ASIC2: variants seen among roughly 807,000 people sequenced by gnomAD.
ASIC2 encodes the protein acid-sensing ion channel 2.
ASIC2 carries 25 observed loss-of-function variants against 57.3 expected under a neutral mutation model. That is an observed-to-expected ratio of 0.44 (90% CI 0.32 to 0.61). ASIC2 has a LOEUF of 0.61. ASIC2 is among the 20% of genes least tolerant of loss of function. ASIC2 has a pLI of 0.06. For missense variants in ASIC2, 641 were observed against 738.1 expected (o/e 0.87, Z 1.52); for synonymous variants, 319 against 307.5 (o/e 1.04, Z -0.39).
chr17:33,666,390 C>T (rs1388349082), intron 1 of ASIC2, among the ~76,000 whole-genome samples: 1 of 152,178 alleles, frequency 6.6e-6, no homozygotes, highest in East Asian at 1.9e-4. Context: ...GTTGGGGTCA[C>T]AGTGCAGCGG....
At chr17:33,778,190 GAA>G (rs1911340378) in intron 1 of ASIC2, among the ~76,000 whole-genome samples, 1 of 152,126 alleles carries the variant, frequency 6.6e-6, no homozygotes, top group Admixed American at 6.6e-5. Flanking sequence ...AGGGGGAATT[GAA>G]AAGAGTTTGG....
At chr17:33,403,323 C>T (rs533562530) in intron 1 of ASIC2, among the ~76,000 whole-genome samples, 1 of 152,188 alleles carries the variant, frequency 6.6e-6, no homozygotes, top group Admixed American at 6.5e-5. Context: ...ACCTCCACTT[C>T]CTTCTTCCCT....
chr17:33,319,215 G>A (rs1223223301), intron 1 of ASIC2, among the ~76,000 whole-genome samples: 1 of 151,310 alleles, frequency 6.6e-6, no homozygotes, highest in Non-Finnish European at 1.5e-5. Context: ...GGGTCACAGA[G>A]CGAGACTCCG....
chr17:33,056,008 T>C (rs574691266), intron 3 of ASIC2, among the ~76,000 whole-genome samples: 2 of 152,200 alleles, frequency 1.3e-5, no homozygotes, highest in African/African-American at 4.8e-5. Flanking sequence ...AGTACTAGTA[T>C]TTTTCGAAAA....
At chr17:33,850,139 C>T (rs1451530384) in intron 1 of ASIC2, among the ~76,000 whole-genome samples, 1 of 152,156 alleles carries the variant, frequency 6.6e-6, no homozygotes, top group Non-Finnish European at 1.5e-5. Flanking sequence ...CTCACAAAAT[C>T]AGGGCTTATG....
At chr17:33,784,893 C>T (rs928397055) in intron 1 of ASIC2, among the ~76,000 whole-genome samples, 7 of 152,052 alleles carry the variant, frequency 4.6e-5, no homozygotes, top group South Asian at 2.1e-4. Context: ...CAATTTTACC[C>T]GTACTTTATC....
chr17:33,984,800 G>A (rs1023596726), intron 1 of ASIC2, among the ~76,000 whole-genome samples: 3 of 152,194 alleles, frequency 2.0e-5, no homozygotes, highest in African/African-American at 7.2e-5. Context: ...GATGGAGGAA[G>A]GAGAGGCAAA....
intron 1 of ASIC2, among the ~76,000 whole-genome samples, chr17:34,103,292 T>A (rs931520935): frequency 6.6e-6 from 1 of 152,086 alleles, no homozygotes; most frequent in African/African-American, 2.4e-5. Context: ...ACCACAGGCA[T>A]GTGCCACAAT....
At chr17:33,345,131 G>A (rs1304469151) in intron 1 of ASIC2, among the ~76,000 whole-genome samples, 3 of 152,198 alleles carry the variant, frequency 2.0e-5, no homozygotes, top group Non-Finnish European at 4.4e-5. Context: ...TAATTAGTAA[G>A]TGTCCATTTG....
chr17:33,612,792 C>G (rs1171993863), intron 1 of ASIC2, among the ~76,000 whole-genome samples: 2 of 152,216 alleles, frequency 1.3e-5, no homozygotes, highest in African/African-American at 4.8e-5. Flanking sequence ...AGCACAGCTG[C>G]ATCAGATTGT....
At chr17:33,434,092 G>A (rs1911517071) in intron 1 of ASIC2, among the ~76,000 whole-genome samples, 1 of 151,766 alleles carries the variant, frequency 6.6e-6, no homozygotes, top group South Asian at 2.1e-4. Context: ...ACCAGCCTGG[G>A]CAACATTACG....
intron 1 of ASIC2, among the ~76,000 whole-genome samples, chr17:34,078,086 GT>G (rs1909738816): frequency 6.6e-6 from 1 of 152,104 alleles, no homozygotes; most frequent in South Asian, 2.1e-4. Flanking sequence ...AGCTCTCAGT[GT>G]TCAGCTACAC....
At chr17:34,118,437 ATCT>A (rs1252123480) in intron 1 of ASIC2, 2 of 152,160 alleles carry the variant, frequency 1.3e-5, no homozygotes, top group Non-Finnish European at 2.9e-5. Context: ...ACAAAGACCA[ATCT>A]TCTACAATTC....
intron 1 of ASIC2, among the ~76,000 whole-genome samples, chr17:33,664,106 A>T (rs1291572566): frequency 1.3e-5 from 2 of 152,018 alleles, no homozygotes; most frequent in Non-Finnish European, 2.9e-5. Context: ...CATCTACCTC[A>T]CTTTCTGCAC....
chr17:33,195,701 A>G (rs562413178), intron 1 of ASIC2, among the ~76,000 whole-genome samples: 1 of 152,316 alleles, frequency 6.6e-6, no homozygotes, highest in African/African-American at 2.4e-5. Flanking sequence ...CACTGTGCAG[A>G]CAGGGAAACT....
intron 1 of ASIC2, among the ~76,000 whole-genome samples, chr17:33,705,179 A>G (rs1908826538): frequency 6.6e-6 from 1 of 152,212 alleles, no homozygotes; most frequent in Admixed American, 6.5e-5. Context: ...TTACATGAGT[A>G]ATGTATGTTC....
At chr17:34,134,876 C>CAT (rs546120667) in intron 1 of ASIC2, among the ~76,000 whole-genome samples, 168 of 152,310 alleles carry the variant, frequency 1.1e-3, no homozygotes, top group African/African-American at 3.5e-3. Context: ...TTCGCCCACC[C>CAT]ATACGTAGGC....
intron 1 of ASIC2, chr17:33,936,170 G>A (rs976132645): frequency 1.3e-5 from 2 of 152,274 alleles, no homozygotes; most frequent in African/African-American, 4.8e-5. Flanking sequence ...AAACCAAAGT[G>A]CAAGCTGAAA....
At chr17:34,110,286 G>T (rs1911222763) in intron 1 of ASIC2, among the ~76,000 whole-genome samples, 1 of 152,152 alleles carries the variant, frequency 6.6e-6, no homozygotes, top group Non-Finnish European at 1.5e-5. Context: ...TCTCTTTCTG[G>T]AATACTTTCT....
Sources: gnomAD v4.1 joint callset for allele counts (sites outside exome capture counted in the v4.1 genomes callset) on GRCh38, gnomAD v4.1.1 for gene constraint, MANE v1.5 for transcripts, NCBI Gene and HGNC (gene_info 2026-07-23, HGNC 2026-07-21) for gene names.